DCK: variants seen among roughly 807,000 people sequenced by gnomAD.
DCK encodes deoxyadenosine kinase.
A neutral mutation model predicts 38.3 loss-of-function variants in DCK; 23 were observed. That is an observed-to-expected ratio of 0.60 (90% confidence interval 0.43 to 0.85). The LOEUF (loss-of-function observed/expected upper bound fraction) is 0.85. Ranked by LOEUF, DCK falls within the 40% of genes least tolerant of loss-of-function variation. The probability of loss-of-function intolerance (pLI) is 0.00; values close to 1 mark genes in which losing one functional copy is unlikely to be tolerated. For missense variants in DCK, 259 were observed against 304.4 expected (o/e 0.85, Z 1.11); for synonymous variants, 108 against 100.6 (o/e 1.07, Z -0.44).
chr4:70,996,099 C>G (rs953736050), intron 1 of DCK, among the ~76,000 whole-genome samples: 1 of 151,996 alleles, frequency 6.6e-6, no homozygotes, highest in African/African-American at 2.4e-5. Context: ...GCTCCAACTA[C>G]TCAGGCGGCT....
rs536504363 is a variant in DCK, at chr4:71,030,155, A to G, written c.*777A>G. 1.3e-5 allele frequency: 2 copies of G among 152,740 alleles called. No homozygotes were observed. Among genetic ancestry groups the G allele is most frequent in the Admixed American group, 6.5e-5 (1 of 15,310 alleles). 9.5% of individuals were successfully genotyped at this position (152,740 alleles called of 1,614,324 possible). On this transcript the variant is annotated 3_prime_UTR_variant, in exon 7 of 7. Transcript: ENST00000286648. ...TCCTGAAAGCATTATTTTTTGTTGA[A>G]TAGGAAATAAAATTAATGAAGACAG...
chr4:71,029,523 T>A lies in DCK; in HGVS notation c.*145T>A, dbSNP rs573408656. 2.3e-5 allele frequency: 15 copies of A among 645,654 alleles called. No individual in the cohort carries two copies. In the South Asian group the frequency reaches 2.8e-4, roughly 12 times the overall value. The allele number at this position is 645,654 out of a possible 1,614,324, so 40.0% of individuals were successfully genotyped here. A position where few individuals can be genotyped will look rare whatever the true frequency, so the allele number is the denominator to read the frequency against. On this transcript the variant is annotated 3_prime_UTR_variant, in exon 7 of 7. Coordinates refer to ENST00000286648, the MANE Select transcript of DCK (RefSeq NM_000788.3). ...AAGGAAAAAAGATTTTTAAAATGAA[T>A]CTTATGCAAAACTTTTTGACCAGTT...
intron 3 of DCK, 133 bp downstream of exon 3, chr4:71,022,693 A>T: frequency 2.0e-6 from 1 of 487,878 alleles, no homozygotes; most frequent in South Asian, 6.0e-5. Context: ...GGAAAATGAC[A>T]TTTAAATCCC....
At position 70,993,653 on chromosome 4, in the gene DCK, T is replaced by G. The variant is rs1739587970; in HGVS notation, c.-183T>G. On this transcript the variant is annotated 5_prime_UTR_variant, in exon 1 of 7. Transcript: ENST00000286648. ...GGGCCGCCCCGCAGGCCCGCCAGTG[T>G]CCTCAGCTGCCTCCGCGCGCCAAAG... is the stretch of plus-strand genomic sequence containing the variant. 7.5e-6 allele frequency: 4 copies of G among 532,580 alleles called. No homozygotes were observed. The highest frequency in any genetic ancestry group is 4.8e-5 in the South Asian group (2 of 41,890). The allele number at this position is 532,580 out of a possible 1,614,324, so 33.0% of individuals were successfully genotyped here.
At chr4:71,003,830 C>T (rs1183798385) in intron 2 of DCK, among the ~76,000 whole-genome samples, 1 of 152,122 alleles carries the variant, frequency 6.6e-6, no homozygotes, top group East Asian at 1.9e-4. Context: ...CTTCTGTAAA[C>T]TGGTTATTCT....
chr4:71,029,571 A>T lies in DCK; in HGVS notation c.*193A>T, dbSNP rs554346593. The T allele has an allele frequency of 0.012, 6,281 of 520,548 alleles. 53 individuals are homozygous for T. The highest frequency in any genetic ancestry group is 0.021 in the South Asian group (784 of 37,832). The allele number at this position is 520,548 out of a possible 1,614,324, so 32.2% of individuals were successfully genotyped here. A position where few individuals can be genotyped will look rare whatever the true frequency, so the allele number is the denominator to read the frequency against. On this transcript the variant is annotated 3_prime_UTR_variant, in exon 7 of 7. Transcript: ENST00000286648. ...GTTTCTTTTCTTTTGTTTTTTTTTT[A>T]AAAAAGACATTTAAAGACAAAGACA... is the stretch of plus-strand genomic sequence containing the variant.
intron 2 of DCK, among the ~76,000 whole-genome samples, chr4:71,008,251 T>C (rs549593544): frequency 1.4e-4 from 22 of 152,332 alleles, no homozygotes; most frequent in Non-Finnish European, 2.4e-4. Flanking sequence ...CCCCCCAGTG[T>C]AATCAAGCTC....
chr4:71,016,787 A>G (rs1431935078), intron 2 of DCK, among the ~76,000 whole-genome samples: 1 of 152,342 alleles, frequency 6.6e-6, no homozygotes, highest in East Asian at 1.9e-4. Flanking sequence ...TTAATTCAAG[A>G]TGGATTAAAG....
intron 6 of DCK, among the ~76,000 whole-genome samples, chr4:71,028,161 T>C (rs1278483646): frequency 6.6e-6 from 1 of 152,258 alleles, no homozygotes; most frequent in Admixed American, 6.5e-5. Flanking sequence ...ACAAATCTAC[T>C]ACATGTTTGA....
In DCK at chr4:71,017,322, A is replaced by G. The variant is rs183176189; in HGVS notation, c.208-5045A>G. ...TGTGGAGAAATGGGAACACTTTTCC[A>G]CTGTTGGTGGGACTGTAAACTAGTT... is the stretch of plus-strand genomic sequence containing the variant. On this transcript the variant is annotated intron_variant, in intron 2 of 6. Coordinates refer to ENST00000286648, the MANE Select transcript of DCK (RefSeq NM_000788.3). 7.2e-3 allele frequency among the ~76,000 whole-genome samples: 1,090 copies of G among 152,324 alleles called. 7 individuals carry two copies. Among genetic ancestry groups the G allele is most frequent in the African/African-American group, 0.025 (1,045 of 41,568 alleles).
At position 70,998,050 on chromosome 4, in the gene DCK, A is replaced by G. The variant is rs950365724; in HGVS notation, c.92-17A>G. The stretch of plus-strand genomic sequence containing the variant: ...CTGACAACTTTTCTTCCTCAATTTT[A>G]TCTTTCCTCACAACAGCTGCAGGGA... On this transcript the variant is annotated splice_polypyrimidine_tract_variant and intron_variant, in intron 1 of 6. Coordinates refer to ENST00000286648, the MANE Select transcript of DCK (RefSeq NM_000788.3). The G allele has an allele frequency of 1.3e-5, 18 of 1,357,526 alleles. No individual in the cohort carries two copies. Among genetic ancestry groups the G allele is most frequent in the Middle Eastern group, 3.6e-4 (2 of 5,502 alleles). The allele number at this position is 1,357,526 out of a possible 1,614,324, so 84.1% of individuals were successfully genotyped here.
intron 2 of DCK, among the ~76,000 whole-genome samples, chr4:71,009,831 G>A (rs942441370): frequency 2.0e-5 from 3 of 152,096 alleles, no homozygotes; most frequent in Admixed American, 1.3e-4. Context: ...TGGCTTCCCT[G>A]TATCTTTGGA....
At chr4:71,028,992 G>A (rs1050354927) in intron 6 of DCK, among the ~76,000 whole-genome samples, 4 of 152,060 alleles carry the variant, frequency 2.6e-5, no homozygotes, top group Non-Finnish European at 4.4e-5. Flanking sequence ...CCTGACCGCA[G>A]GTGATCTGCC....
At chr4:71,016,240 C>G (rs2148917163) in intron 2 of DCK, among the ~76,000 whole-genome samples, 1 of 152,224 alleles carries the variant, frequency 6.6e-6, no homozygotes, top group East Asian at 1.9e-4. Flanking sequence ...TGTGAAGGAC[C>G]TCTTCAAGGA....
chr4:71,023,439 C>T (rs993782948), intron 3 of DCK, 120 bp from the exon 4 acceptor site: 1 of 654,390 alleles, frequency 1.5e-6, no homozygotes, highest in African/African-American at 1.9e-5. Context: ...TCTTTTTCTG[C>T]TTTCCACGGC....
chr4:71,019,086 T>C (rs1740344797), intron 2 of DCK, among the ~76,000 whole-genome samples: 1 of 152,210 alleles, frequency 6.6e-6, no homozygotes, highest in Admixed American at 6.5e-5. Context: ...TCATAAGTTA[T>C]CCTGAGGAAC....
intron 3 of DCK, among the ~76,000 whole-genome samples, chr4:71,022,949 A>T (rs1740465215): frequency 6.6e-6 from 1 of 152,192 alleles, no homozygotes; most frequent in Non-Finnish European, 1.5e-5. Flanking sequence ...TTATGCTAGG[A>T]TTCTTTTGAC....
At chr4:70,998,220 G>C in intron 2 of DCK, 38 bp downstream of exon 2, 2 of 977,110 alleles carry the variant, frequency 2.0e-6, no homozygotes, top group Non-Finnish European at 3.2e-6. Context: ...AAGCCTCTTG[G>C]TTTAGAGGAG....
chr4:71,029,008 C>T (rs1297981424), intron 6 of DCK, among the ~76,000 whole-genome samples: 6 of 152,162 alleles, frequency 3.9e-5, no homozygotes, highest in Non-Finnish European at 7.4e-5. Flanking sequence ...CTGCCCGCCT[C>T]GGCCTCCCAA....
Sources: gnomAD v4.1 joint callset for allele counts (sites outside exome capture counted in the v4.1 genomes callset) on GRCh38, gnomAD v4.1.1 for gene constraint, MANE v1.5 for transcripts, NCBI Gene and HGNC (gene_info 2026-07-23, HGNC 2026-07-21) for gene names.